The following UMOD variants were observed in gnomAD, a reference collection of about 807,000 sequenced individuals.
UMOD encodes Tamm-Horsfall urinary glycoprotein.
Under a neutral mutation model 66.0 loss-of-function variants are expected in UMOD, and 64 were observed. That is an observed-to-expected ratio of 0.97 (90% CI 0.79 to 1.19). The LOEUF (loss-of-function observed/expected upper bound fraction) is 1.19. Among genes scored for constraint, UMOD ranks in the 50% most tolerant of loss-of-function variants. The pLI is 0.00. For synonymous variants in UMOD, 398 were observed against 352.7 expected (o/e 1.13, Z -1.44); for missense variants, 764 against 850.9 (o/e 0.90, Z 1.27).
intron 7 of UMOD, 93 bp downstream of exon 7, chr16:20,340,991 CAAAAAAA>C: frequency 9.7e-7 from 1 of 1,027,726 alleles, no homozygotes; most frequent in Non-Finnish European, 1.3e-6. Flanking sequence ...AAGACTCTGT[CAAAAAAA>C]AAAAAAAAAA....
chr16:20,340,943 G>A (rs1273296778), intron 7 of UMOD, 148 bp downstream of exon 7: 9 of 867,926 alleles, frequency 1.0e-5, no homozygotes, highest in Admixed American at 7.1e-5. Context: ...GCAGTGAGCC[G>A]AGGTCACACC....
At position 20,348,987 on chromosome 16, in the gene UMOD, C is replaced by T. The variant is rs1162633293; in HGVS notation, c.314G>A (p.Gly105Asp). The change falls in exon 3 of 11, where the codon GGC (glycine) becomes GAC (aspartate). Residue 105 changes from glycine (G) to aspartate (D), a missense_variant. By Grantham distance (94) the Gly-to-Asp change is moderately conservative. Transcript: ENST00000396138. ...AGCGCACTCATCCACGTCTGTGCAG[C>T]CGAGACCGGGCGACAGGCGGAAGCC... ...PEGFRLSPGLGCTDVDECAEP... is the reference protein window; with the variant it reads ...PEGFRLSPGLDCTDVDECAEP... 1.3e-6 allele frequency: 2 copies of T among 1,574,994 alleles called. No individual in the cohort carries two copies. Among genetic ancestry groups the T allele is most frequent in the East Asian group, 2.3e-5 (1 of 42,564 alleles).
rs772200195 is a variant in UMOD at position 20,337,461 on chromosome 16, G to T, written c.1578-8C>A. ...TCTCTAGTGTGTGGGCATCTGGGAGGGTTACACATCATTTAATGTGGTTGG... is the reference window on the plus strand; with the variant it reads ...TCTCTAGTGTGTGGGCATCTGGGAGTGTTACACATCATTTAATGTGGTTGG... On this transcript the variant is annotated splice_region_variant and splice_polypyrimidine_tract_variant and intron_variant, in intron 7 of 10. Coordinates refer to ENST00000396138, the MANE Select transcript of UMOD (RefSeq NM_003361.4). 55 of 1,614,118 alleles carry T rather than the reference G, an allele frequency of 3.4e-5. No homozygotes were observed. Among genetic ancestry groups the T allele is most frequent in the Non-Finnish European group, 4.6e-5 (54 of 1,180,028 alleles).
chr16:20,341,470 C>G (rs1404740364), intron 6 of UMOD, 134 bp from the exon 7 acceptor site: 2 of 1,506,310 alleles, frequency 1.3e-6, no homozygotes, highest in Admixed American at 3.8e-5. Flanking sequence ...GTGGAACCCA[C>G]CAACTGTTGC....
At chr16:20,339,121 G>A (rs767113586) in intron 7 of UMOD, among the ~76,000 whole-genome samples, 8 of 152,158 alleles carry the variant, frequency 5.3e-5, no homozygotes, top group African/African-American at 9.7e-5. Context: ...CCCCATTTAC[G>A]TCTGAGAATA....
intron 10 of UMOD, among the ~76,000 whole-genome samples, chr16:20,333,920 G>A (rs1964728682): frequency 6.6e-6 from 1 of 151,118 alleles, no homozygotes; most frequent in African/African-American, 2.4e-5. Context: ...TGTAGTTCCA[G>A]CTACTGGGCA....
In UMOD at chr16:20,348,989, G is replaced by A. The variant is rs939572625; in HGVS notation, c.312C>T (p.Leu104=). The A allele has an allele frequency of 6.3e-7, 1 of 1,575,814 alleles. No individual in the cohort carries two copies. Among genetic ancestry groups the A allele is most frequent in the African/African-American group, 1.3e-5 (1 of 74,182 alleles). ...CPEGFRLSPG[L]GCTDVDECAE... ...CGCACTCATCCACGTCTGTGCAGCC[G>A]AGACCGGGCGACAGGCGGAAGCCTT... Residue 104 remains leucine, a synonymous_variant, in exon 3 of 11, where the codon CTC becomes CTT. Transcript: ENST00000396138.
At chr16:20,350,517 T>G in intron 2 of UMOD, 133 bp downstream of exon 2, 1 of 1,206,458 alleles carries the variant, frequency 8.3e-7, no homozygotes, top group Non-Finnish European at 1.2e-6. Flanking sequence ...GGACTTAGAA[T>G]GAAGACAATG....
intron 4 of UMOD, 54 bp downstream of exon 4, chr16:20,348,169 C>T (rs922251588): frequency 6.7e-7 from 1 of 1,483,934 alleles, no homozygotes; most frequent in Non-Finnish European, 9.4e-7. Context: ...ATGTGTCCCT[C>T]CCCCAGGCAG....
intron 4 of UMOD, 121 bp downstream of exon 4, chr16:20,348,101 AG>A: frequency 1.1e-6 from 1 of 886,956 alleles, no homozygotes; most frequent in East Asian, 2.4e-5. Flanking sequence ...GTTTTCACTC[AG>A]GTTGGATATA....
intron 7 of UMOD, 109 bp from the exon 8 acceptor site, chr16:20,337,562 C>G (rs1270320625): frequency 1.4e-6 from 2 of 1,382,576 alleles, no homozygotes; most frequent in Non-Finnish European, 2.0e-6. Context: ...TGACTTTGGG[C>G]AACTTATTTA....
chr16:20,333,100 C>T lies in UMOD; in HGVS notation c.*214G>A. ...CCACACTCTTTAAGGAGATGGGGGCCTCAGGTACACCGTCACAAGTCCCAT... is the reference window on the plus strand; with the variant it reads ...CCACACTCTTTAAGGAGATGGGGGCTTCAGGTACACCGTCACAAGTCCCAT... On this transcript the variant is annotated 3_prime_UTR_variant, in exon 11 of 11. Coordinates refer to ENST00000396138, the MANE Select transcript of UMOD (RefSeq NM_003361.4). The T allele has an allele frequency of 1.7e-6, 1 of 590,618 alleles. No individual in the cohort carries two copies. The highest frequency in any genetic ancestry group is 3.1e-6 in the Non-Finnish European group (1 of 321,474). 36.6% of individuals were successfully genotyped at this position (590,618 alleles called of 1,614,324 possible). A position where few individuals can be genotyped will look rare whatever the true frequency, so the allele number is the denominator to read the frequency against.
Position 20,333,281 on chromosome 16 carries a change from G to A in UMOD, c.*33C>T, listed in dbSNP as rs1201287696. 6.2e-7 allele frequency: 1 copy of A among 1,605,090 alleles called. No homozygotes were observed. The highest frequency in any genetic ancestry group is 1.3e-5 in the African/African-American group (1 of 74,826). On this transcript the variant is annotated 3_prime_UTR_variant, in exon 11 of 11. Transcript: ENST00000396138. ...CCCCTGCCCAGCAGGAGGTGAGATG[G>A]CAGCCATGGAGCACAGGGCTTTCCG...
chr16:20,343,362 C>G (rs902545031), intron 6 of UMOD, among the ~76,000 whole-genome samples: 9 of 152,146 alleles, frequency 5.9e-5, no homozygotes, highest in African/African-American at 1.2e-4. Context: ...AAGACACTTG[C>G]AAGGAGCGTA....
At chr16:20,351,616 T>A (rs1446270443) in intron 1 of UMOD, among the ~76,000 whole-genome samples, 6 of 152,208 alleles carry the variant, frequency 3.9e-5, no homozygotes, top group African/African-American at 1.4e-4. Context: ...TTTCACAAAC[T>A]GAATATCTAT....
chr16:20,334,301 A>G (rs2141625563), intron 10 of UMOD, among the ~76,000 whole-genome samples: 1 of 152,232 alleles, frequency 6.6e-6, no homozygotes, highest in South Asian at 2.1e-4. Context: ...ACGAATATTC[A>G]TCACCTATTG....
chr16:20,350,472 C>T (rs959190487), intron 2 of UMOD, among the ~76,000 whole-genome samples, 178 bp downstream of exon 2: 1 of 152,208 alleles, frequency 6.6e-6, no homozygotes, highest in East Asian at 1.9e-4. Context: ...AGCAAAATTT[C>T]TAAGTCAGTC....
intron 7 of UMOD, among the ~76,000 whole-genome samples, chr16:20,340,480 A>G (rs1965139176): frequency 1.3e-5 from 2 of 149,560 alleles, no homozygotes; most frequent in African/African-American, 4.9e-5. Context: ...GTGTATATAT[A>G]TATATATATA....
chr16:20,346,362 CGT>C (rs1555487045), intron 4 of UMOD, 28 bp from the exon 5 acceptor site: 5 of 1,613,012 alleles, frequency 3.1e-6, no homozygotes, highest in South Asian at 1.1e-5. Context: ...GGATTGAGGA[CGT>C]GTGTCTATAG....
Sources: allele counts gnomAD v4.1 joint callset (sites outside exome capture counted in the v4.1 genomes callset), GRCh38; gene constraint gnomAD v4.1.1; transcripts MANE v1.5; gene names NCBI Gene and HGNC (gene_info 2026-07-23, HGNC 2026-07-21).